VWC2: variants seen among roughly 807,000 people sequenced by gnomAD.
VWC2 encodes von Willebrand factor C domain containing 2.
A neutral mutation model predicts 29.8 loss-of-function variants in VWC2; 14 were observed. The ratio of observed to expected loss-of-function variants is 0.47; its 90% CI spans 0.31 to 0.74. The LOEUF (loss-of-function observed/expected upper bound fraction) is 0.74. Ranked by LOEUF, VWC2 falls within the 30% of genes least tolerant of loss-of-function variation. The pLI, the probability that VWC2 is intolerant of heterozygous loss-of-function variation, is 0.05. For missense variants in VWC2, 457 were observed against 459.8 expected (o/e 0.99, Z 0.05); for synonymous variants, 213 against 199.0 (o/e 1.07, Z -0.59).
At chr7:49,877,868 T>G (rs1034853886) in intron 3 of VWC2, among the ~76,000 whole-genome samples, 1 of 152,086 alleles carries the variant, frequency 6.6e-6, no homozygotes, top group Non-Finnish European at 1.5e-5. Flanking sequence ...CAACTGCCAC[T>G]TTGTCATCAT....
intron 3 of VWC2, among the ~76,000 whole-genome samples, chr7:49,870,292 C>T (rs1451844675): frequency 2.6e-5 from 4 of 152,070 alleles, no homozygotes; most frequent in Admixed American, 1.3e-4. Context: ...CCCAGCTACT[C>T]GGGAGGCTGA....
intron 3 of VWC2, among the ~76,000 whole-genome samples, chr7:49,858,423 A>G (rs1313043011): frequency 6.6e-6 from 1 of 152,062 alleles, no homozygotes; most frequent in African/African-American, 2.4e-5. Flanking sequence ...GATGAAGCTG[A>G]AAACGATCAT....
intron 3 of VWC2, among the ~76,000 whole-genome samples, chr7:49,873,906 TAAAA>T (rs11326386): frequency 3.5e-4 from 51 of 146,458 alleles, no homozygotes; most frequent in African/African-American, 1.1e-3. Flanking sequence ...TATAATTAAG[TAAAA>T]AAAAAAAACA....
intron 2 of VWC2, among the ~76,000 whole-genome samples, chr7:49,789,482 T>A (rs2128703473): frequency 6.6e-6 from 1 of 152,246 alleles, no homozygotes; most frequent in Non-Finnish European, 1.5e-5. Context: ...CCTCATTTTC[T>A]TACTTGACTG....
chr7:49,849,560 A>G (rs1790092395), intron 3 of VWC2, among the ~76,000 whole-genome samples: 1 of 152,022 alleles, frequency 6.6e-6, no homozygotes, highest in African/African-American at 2.4e-5. Context: ...CAGCCCTTCT[A>G]CACACACACA....
At chr7:49,889,674 C>T (rs1057013640) in intron 3 of VWC2, among the ~76,000 whole-genome samples, 1 of 152,148 alleles carries the variant, frequency 6.6e-6, no homozygotes, top group African/African-American at 2.4e-5. Context: ...AGGAGCTCCT[C>T]AAGGCTTTCA....
At chr7:49,836,084 G>T (rs1789650561) in intron 3 of VWC2, among the ~76,000 whole-genome samples, 1 of 152,166 alleles carries the variant, frequency 6.6e-6, no homozygotes, top group Non-Finnish European at 1.5e-5. Context: ...TTCATTCTGA[G>T]TTCAGATAGA....
At chr7:49,841,216 A>G (rs1467985818) in intron 3 of VWC2, among the ~76,000 whole-genome samples, 1 of 152,118 alleles carries the variant, frequency 6.6e-6, no homozygotes, top group Non-Finnish European at 1.5e-5. Context: ...AGGCCTGACT[A>G]TTCCCTGTTT....
chr7:49,778,783 G>A (rs530443552), intron 2 of VWC2, among the ~76,000 whole-genome samples: 5 of 152,336 alleles, frequency 3.3e-5, no homozygotes, highest in African/African-American at 1.2e-4. Context: ...GGTATTCTGG[G>A]TTTCAGAGAG....
At chr7:49,787,843 C>G (rs1220908766) in intron 2 of VWC2, among the ~76,000 whole-genome samples, 2 of 152,160 alleles carry the variant, frequency 1.3e-5, no homozygotes, top group Non-Finnish European at 2.9e-5. Context: ...TGTCTGGGCT[C>G]CCAGTCCTCT....
intron 3 of VWC2, among the ~76,000 whole-genome samples, chr7:49,823,524 C>A (rs528669123): frequency 6.6e-6 from 1 of 152,258 alleles, no homozygotes; most frequent in South Asian, 2.1e-4. Context: ...GATCCCTGGA[C>A]ATTGGGCATT....
chr7:49,838,443 G>A (rs1431267246), intron 3 of VWC2, among the ~76,000 whole-genome samples: 1 of 152,072 alleles, frequency 6.6e-6, no homozygotes, highest in East Asian at 1.9e-4. Context: ...GGAGACAGTA[G>A]GATTGAAGCA....
At chr7:49,828,015 A>G (rs993653205) in intron 3 of VWC2, among the ~76,000 whole-genome samples, 2 of 152,182 alleles carry the variant, frequency 1.3e-5, no homozygotes, top group African/African-American at 4.8e-5. Context: ...CATGCACATT[A>G]CCATGTAATT....
chr7:49,889,361 A>G (rs1583761821), intron 3 of VWC2, among the ~76,000 whole-genome samples: 1 of 152,232 alleles, frequency 6.6e-6, no homozygotes, highest in Non-Finnish European at 1.5e-5. Context: ...TAAAAATAAG[A>G]CAGTATAATT....
intron 3 of VWC2, among the ~76,000 whole-genome samples, chr7:49,896,067 GTGGTGGCTCACACC>G (rs1792370095): frequency 6.6e-6 from 1 of 152,178 alleles, no homozygotes; most frequent in Non-Finnish European, 1.5e-5. Flanking sequence ...CAGGTCCGGT[GTGGTGGCTCACACC>G]TGTAATACCA....
intron 2 of VWC2, among the ~76,000 whole-genome samples, chr7:49,786,189 A>C (rs1466195601): frequency 2.0e-5 from 3 of 152,156 alleles, no homozygotes; most frequent in Non-Finnish European, 4.4e-5. Flanking sequence ...TTGTGTACAT[A>C]AGTGCCCAAT....
intron 3 of VWC2, among the ~76,000 whole-genome samples, chr7:49,867,600 C>T (rs190636510): frequency 1.3e-4 from 20 of 152,284 alleles, no homozygotes; most frequent in Admixed American, 1.2e-3. Context: ...CTGTGTGGTG[C>T]TGGAGGCACA....
chr7:49,810,510 T>C (rs148549364), intron 3 of VWC2, among the ~76,000 whole-genome samples: 1 of 152,084 alleles, frequency 6.6e-6, no homozygotes, highest in East Asian at 1.9e-4. Flanking sequence ...CCAGCATACG[T>C]TTTTTGTAGA....
chr7:49,867,785 C>T (rs547058077), intron 3 of VWC2, among the ~76,000 whole-genome samples: 12 of 152,290 alleles, frequency 7.9e-5, no homozygotes, highest in African/African-American at 2.2e-4. Context: ...CTGCCTACAG[C>T]AGCCTTTTAT....
Sources: gnomAD v4.1 joint callset for allele counts (sites outside exome capture counted in the v4.1 genomes callset) on GRCh38, gnomAD v4.1.1 for gene constraint, MANE v1.5 for transcripts, NCBI Gene and HGNC (gene_info 2026-07-23, HGNC 2026-07-21) for gene names.